Variants in UBE2U observed in about 807,000 individuals in gnomAD.
UBE2U encodes the protein ubiquitin-conjugating enzyme E2 U.
UBE2U carries 39 observed loss-of-function variants against 41.2 expected under a neutral mutation model. That is an observed-to-expected ratio of 0.95 (90% CI 0.73 to 1.24). The LOEUF is 1.24. Among genes scored for constraint, UBE2U ranks in the 50% most tolerant of loss-of-function variants. UBE2U has a pLI of 0.00. For synonymous variants in UBE2U, 107 were observed against 117.8 expected, an observed-to-expected ratio of 0.91 and a Z score of 0.60; for missense variants, 336 against 363.1, an observed-to-expected ratio of 0.93 and a Z score of 0.61.
At chr1:64,243,901 A>G (rs986327423) in intron 8 of UBE2U, among the ~76,000 whole-genome samples, 2 of 152,138 alleles carry the variant, frequency 1.3e-5, no homozygotes, top group African/African-American at 4.8e-5. Context: ...TGGCTCTGCC[A>G]ATTACCAGCT....
intron 5 of UBE2U, among the ~76,000 whole-genome samples, chr1:64,217,953 T>A (rs1431943797): frequency 6.6e-6 from 1 of 152,184 alleles, no homozygotes; most frequent in Non-Finnish European, 1.5e-5. Flanking sequence ...TCACTGGGTT[T>A]AAAAAAATCC....
chr1:64,231,788 C>T (rs1327712071), intron 6 of UBE2U, among the ~76,000 whole-genome samples: 1 of 152,148 alleles, frequency 6.6e-6, no homozygotes, highest in Non-Finnish European at 1.5e-5. Context: ...GGAAAACAGG[C>T]ATAAGGCATA....
chr1:64,230,640 G>A (rs1290748654), intron 6 of UBE2U, among the ~76,000 whole-genome samples: 3 of 151,160 alleles, frequency 2.0e-5, no homozygotes, highest in African/African-American at 7.3e-5. Flanking sequence ...TTTCCCTGAC[G>A]ACTGAAAAAA....
chr1:64,264,397 G>C (rs1262063339), intron 9 of UBE2U, among the ~76,000 whole-genome samples: 1 of 152,122 alleles, frequency 6.6e-6, no homozygotes, highest in African/African-American at 2.4e-5. Flanking sequence ...GTGTCTCAGA[G>C]AGATTTATAA....
chr1:64,245,535 C>T (rs1215743076), intron 8 of UBE2U, among the ~76,000 whole-genome samples: 1 of 152,122 alleles, frequency 6.6e-6, no homozygotes, highest in Non-Finnish European at 1.5e-5. Flanking sequence ...AAGAATATTG[C>T]TTCTTGTTTA....
intron 8 of UBE2U, among the ~76,000 whole-genome samples, chr1:64,251,384 TG>T (rs1486461766): frequency 6.6e-6 from 1 of 152,042 alleles, no homozygotes; most frequent in Non-Finnish European, 1.5e-5. Flanking sequence ...TTTCGAATAA[TG>T]TAAATTAGTA....
At chr1:64,248,127 T>G (rs1158755021) in intron 8 of UBE2U, among the ~76,000 whole-genome samples, 1 of 152,132 alleles carries the variant, frequency 6.6e-6, no homozygotes, top group Non-Finnish European at 1.5e-5. Context: ...ATATGATTTT[T>G]TTTCCTAGGA....
At chr1:64,250,494 A>T (rs1290781492) in intron 8 of UBE2U, among the ~76,000 whole-genome samples, 1 of 152,182 alleles carries the variant, frequency 6.6e-6, no homozygotes, top group Non-Finnish European at 1.5e-5. Context: ...TAACAAAACC[A>T]AAGACAGTAT....
chr1:64,239,143 A>AGAG (rs1557730623), intron 7 of UBE2U, among the ~76,000 whole-genome samples: 3 of 25,564 alleles, frequency 1.2e-4, no homozygotes, highest in Non-Finnish European at 1.3e-4. Context: ...AAGAAGAAGA[A>AGAG]GAAGAAGAAG....
chr1:64,232,533 A>G (rs1341049511), intron 6 of UBE2U, 28 bp from the exon 7 acceptor site: 2 of 1,553,948 alleles, frequency 1.3e-6, no homozygotes, highest in Non-Finnish European at 1.8e-6. Context: ...CAAACTGCCC[A>G]TCGTCTGATT....
intron 8 of UBE2U, among the ~76,000 whole-genome samples, chr1:64,249,720 CTT>C (rs1278714709): frequency 6.6e-6 from 1 of 151,652 alleles, no homozygotes; most frequent in Non-Finnish European, 1.5e-5. Context: ...AATATAATCT[CTT>C]TAAAAAAAGA....
chr1:64,263,676 C>T (rs1017997668), intron 9 of UBE2U, among the ~76,000 whole-genome samples: 1 of 152,038 alleles, frequency 6.6e-6, no homozygotes, highest in Non-Finnish European at 1.5e-5. Context: ...ATTGTGTGTC[C>T]CTCTTTTGCA....
At chr1:64,206,497 G>A (rs1651304353) in intron 2 of UBE2U, among the ~76,000 whole-genome samples, 1 of 151,214 alleles carries the variant, frequency 6.6e-6, no homozygotes, top group South Asian at 2.1e-4. Flanking sequence ...CAGTCAATAC[G>A]AGATACAACA....
At chr1:64,256,234 A>G (rs576200108) in intron 8 of UBE2U, among the ~76,000 whole-genome samples, 15 of 152,302 alleles carry the variant, frequency 9.8e-5, no homozygotes, top group African/African-American at 3.6e-4. Context: ...CCATTAAACT[A>G]CCATTGACAT....
At chr1:64,266,530 C>A (rs895054420) in intron 9 of UBE2U, among the ~76,000 whole-genome samples, 1 of 152,178 alleles carries the variant, frequency 6.6e-6, no homozygotes, top group Non-Finnish European at 1.5e-5. Context: ...TAGCACCGCA[C>A]CTGGCACAGT....
At chr1:64,237,073 A>G (rs951721123) in intron 7 of UBE2U, among the ~76,000 whole-genome samples, 4 of 152,212 alleles carry the variant, frequency 2.6e-5, no homozygotes, top group African/African-American at 9.6e-5. Context: ...TGCCATGTGC[A>G]GGTAAGTGAA....
intron 4 of UBE2U, 130 bp from the exon 5 acceptor site, chr1:64,214,685 A>T: frequency 1.5e-6 from 1 of 660,570 alleles, no homozygotes; most frequent in Non-Finnish European, 2.7e-6. Context: ...GTTATTTTTT[A>T]ATCTATTTCC....
At chr1:64,242,064 T>A (rs825190) in intron 8 of UBE2U, among the ~76,000 whole-genome samples, 40,060 of 143,406 alleles carry the variant, frequency 0.28, 5,672 homozygotes, top group African/African-American at 0.35. Flanking sequence ...GCTTTTTTTT[T>A]AAAAAAAAGA....
chr1:64,208,784 C>A (rs1365651802), intron 3 of UBE2U, among the ~76,000 whole-genome samples: 2 of 152,204 alleles, frequency 1.3e-5, no homozygotes, highest in East Asian at 1.9e-4. Flanking sequence ...GTCTACGAAC[C>A]TTTTAGGTCT....
Sources: allele counts gnomAD v4.1 joint callset (sites outside exome capture counted in the v4.1 genomes callset), GRCh38; gene constraint gnomAD v4.1.1; transcripts MANE v1.5; gene names NCBI Gene and HGNC (gene_info 2026-07-23, HGNC 2026-07-21).